The following MYO1B variants were observed in gnomAD, a reference collection of about 807,000 sequenced individuals.
The protein encoded by MYO1B is myosin IB.
A neutral mutation model predicts 159.7 loss-of-function variants in MYO1B; 72 were observed. That is an observed-to-expected ratio of 0.45 (90% CI 0.37 to 0.55). The LOEUF (loss-of-function observed/expected upper bound fraction) is 0.55, where lower values mean the gene tolerates loss of function less well. MYO1B is among the 20% of genes least tolerant of loss of function. The pLI is 0.00. For synonymous variants in MYO1B, 468 were observed against 473.8 expected, an observed-to-expected ratio of 0.99 and a Z score of 0.16; for missense variants, 1,062 against 1,364.8, an observed-to-expected ratio of 0.78 and a Z score of 3.50.
chr2:191,400,008 C>T (rs1696505573), intron 21 of MYO1B, among the ~76,000 whole-genome samples: 1 of 152,204 alleles, frequency 6.6e-6, no homozygotes, highest in Admixed American at 6.5e-5. Flanking sequence ...GCTACAGTTA[C>T]ATTCCAGGCA....
intron 3 of MYO1B, among the ~76,000 whole-genome samples, chr2:191,308,044 G>A (rs2125851295): frequency 6.6e-6 from 1 of 152,182 alleles, no homozygotes; most frequent in East Asian, 1.9e-4. Flanking sequence ...CTGGAGGTGG[G>A]GAGGTGGGGT....
Position 191,245,527 on chromosome 2 carries a change from A to C in MYO1B, c.-109A>C, listed in dbSNP as rs1685725399. On this transcript the variant is annotated 5_prime_UTR_variant, in exon 1 of 31. Coordinates refer to ENST00000392318, the MANE Select transcript of MYO1B (RefSeq NM_001130158.3). ...GCCTTGGCAGAACAGCCGCGGCGGG[A>C]GCCCCGCAGCCCCGGGCTGGGCCCG... The C allele has an allele frequency of 6.6e-6, 1 of 152,034 alleles. No homozygotes were observed. Among genetic ancestry groups the C allele is most frequent in the Non-Finnish European group, 1.5e-5 (1 of 67,980 alleles). 9.4% of individuals were successfully genotyped at this position (152,034 alleles called of 1,614,324 possible).
intron 4 of MYO1B, among the ~76,000 whole-genome samples, chr2:191,334,086 G>A (rs566239296): frequency 1.3e-5 from 2 of 149,630 alleles, no homozygotes; most frequent in African/African-American, 4.9e-5. Context: ...ACATTCTTTA[G>A]CTTTTTAGTC....
At chr2:191,357,278 A>G (rs1426405779) in intron 7 of MYO1B, among the ~76,000 whole-genome samples, 2 of 152,178 alleles carry the variant, frequency 1.3e-5, no homozygotes, top group East Asian at 3.8e-4. Context: ...TGACATGCAC[A>G]GGCACTTATA....
At chr2:191,298,428 C>G (rs1206805766) in intron 3 of MYO1B, among the ~76,000 whole-genome samples, 2 of 152,196 alleles carry the variant, frequency 1.3e-5, no homozygotes, top group Non-Finnish European at 2.9e-5. Flanking sequence ...CAAAGCCCCA[C>G]TTCTCAAAGT....
At chr2:191,260,254 C>CTTGTTTTTTTTTTTTTTTTTTTT (rs1686718325) in intron 1 of MYO1B, among the ~76,000 whole-genome samples, 1 of 60,962 alleles carries the variant, frequency 1.6e-5, no homozygotes, top group East Asian at 8.3e-4. Context: ...CCCAGATAGG[C>CTTGTTTTTTTTTTTTTTTTTTTT]TTTTTTTTTT....
At position 191,355,654 on chromosome 2, in the gene MYO1B, C is replaced by T. The variant is rs540420882; in HGVS notation, c.563-4977C>T. Among the ~76,000 whole-genome samples the T allele has an allele frequency of 3.9e-5, 6 of 152,282 alleles. No individual in the cohort carries two copies. In the East Asian group the frequency reaches 1.2e-3, roughly 29 times the overall value. ...TGTCTTACAGCACTGAGGAGTAGAGCCAGATGTGTGCACAGTGTGGGGAAC... is the reference window on the plus strand; with the variant it reads ...TGTCTTACAGCACTGAGGAGTAGAGTCAGATGTGTGCACAGTGTGGGGAAC... On this transcript the variant is annotated intron_variant, in intron 7 of 30. Coordinates refer to ENST00000392318, the MANE Select transcript of MYO1B (RefSeq NM_001130158.3).
chr2:191,291,842 G>C (rs1688705741), intron 2 of MYO1B, among the ~76,000 whole-genome samples: 2 of 152,166 alleles, frequency 1.3e-5, no homozygotes, highest in Admixed American at 1.3e-4. Flanking sequence ...GATTTAATCT[G>C]GTGCTGTAGT....
chr2:191,341,238 G>C (rs1020943798), intron 4 of MYO1B, among the ~76,000 whole-genome samples: 1 of 152,076 alleles, frequency 6.6e-6, no homozygotes, highest in African/African-American at 2.4e-5. Context: ...TAACAGCCCA[G>C]TGATAAACTT....
intron 1 of MYO1B, among the ~76,000 whole-genome samples, chr2:191,272,396 G>A (rs1574308975): frequency 6.6e-6 from 1 of 152,306 alleles, no homozygotes; most frequent in East Asian, 1.9e-4. Context: ...CCTGGCCTTG[G>A]TACTTTGCAG....
rs757417835 is a variant in MYO1B, at chr2:191,393,231, C to A, written c.2226+9C>A. Reference sequence around the variant, plus strand: ...GGTACAGGAGATATGCGGTAAGAGTCTCAGTCATTTTAAATCAGTAATAAC... The same window carrying A: ...GGTACAGGAGATATGCGGTAAGAGTATCAGTCATTTTAAATCAGTAATAAC... On this transcript the variant is annotated intron_variant, in intron 20 of 30. Transcript: ENST00000392318. 4.3e-6 allele frequency: 7 copies of A among 1,612,858 alleles called. No individual in the cohort carries two copies. The highest frequency in any genetic ancestry group is 5.1e-6 in the Non-Finnish European group (6 of 1,179,294).
At chr2:191,382,400 A>G (rs533551013) in intron 14 of MYO1B, among the ~76,000 whole-genome samples, 1 of 152,268 alleles carries the variant, frequency 6.6e-6, no homozygotes, top group South Asian at 2.1e-4. Flanking sequence ...TAAATCATAA[A>G]TATTTCATCT....
chr2:191,310,785 G>A (rs1400411700), intron 3 of MYO1B, among the ~76,000 whole-genome samples: 1 of 152,156 alleles, frequency 6.6e-6, no homozygotes, highest in African/African-American at 2.4e-5. Context: ...TGGAAAAATT[G>A]CCATCTTGCA....
At chr2:191,342,467 T>C (rs556262948) in intron 5 of MYO1B, among the ~76,000 whole-genome samples, 9 of 152,322 alleles carry the variant, frequency 5.9e-5, no homozygotes, top group African/African-American at 1.9e-4. Flanking sequence ...CTTAATGCCA[T>C]GGAGAATGGC....
Position 191,387,231 on chromosome 2 carries a change from A to T in MYO1B, c.1562A>T (p.Tyr521Phe). 2.5e-6 allele frequency: 4 copies of T among 1,614,004 alleles called. No homozygotes were observed. The highest frequency in any genetic ancestry group is 3.4e-6 in the Non-Finnish European group (4 of 1,179,904). Residue 521 changes from tyrosine to phenylalanine, a missense_variant, in exon 17 of 31, where the codon TAC becomes TTC. Physicochemically the swap from Tyr to Phe is conservative, Grantham distance 22. Around this residue, in one of 5 missense-constraint regions of MYO1B, gnomAD observed 609 missense variants for 744.4 expected, o/e 0.82. Coordinates refer to ENST00000392318, the MANE Select transcript of MYO1B (RefSeq NM_001130158.3). The part of the protein sequence containing the change: ...RIQHYAGKVL[Y>F]QVEGFVDKNN... ...TACATGTGCTGCTTATAGGTGCTGT[A>T]CCAGGTGGAAGGATTCGTTGACAAA...
chr2:191,271,018 T>C (rs1655960106), intron 1 of MYO1B, among the ~76,000 whole-genome samples: 1 of 152,226 alleles, frequency 6.6e-6, no homozygotes, highest in Admixed American at 6.5e-5. Context: ...GTTTTCCCTT[T>C]GTATATCACT....
At chr2:191,405,251 A>G (rs1367316968) in intron 24 of MYO1B, among the ~76,000 whole-genome samples, 1 of 152,230 alleles carries the variant, frequency 6.6e-6, no homozygotes, top group Non-Finnish European at 1.5e-5. Flanking sequence ...GCAGCAATTC[A>G]GTCCCATCTT....
intron 27 of MYO1B, among the ~76,000 whole-genome samples, chr2:191,412,845 GAA>G (rs34942379): frequency 2.6e-5 from 4 of 151,626 alleles, no homozygotes; most frequent in African/African-American, 7.3e-5. Context: ...GTTTGTTTGG[GAA>G]AAAAAAAATT....
chr2:191,313,417 CTCT>C (rs910301389), intron 3 of MYO1B, among the ~76,000 whole-genome samples: 11 of 148,518 alleles, frequency 7.4e-5, no homozygotes, highest in Admixed American at 2.0e-4. Flanking sequence ...TGGAGTCTAG[CTCT>C]GTCGCCCAGG....
Sources: allele counts gnomAD v4.1 joint callset (sites outside exome capture counted in the v4.1 genomes callset), GRCh38; gene constraint gnomAD v4.1.1; regional missense constraint gnomAD v4.1.1; transcripts MANE v1.5; gene names NCBI Gene and HGNC (gene_info 2026-07-23, HGNC 2026-07-21).